NCOR2: variants seen among roughly 807,000 people sequenced by gnomAD.
The protein encoded by NCOR2 is nuclear receptor corepressor 2.
NCOR2 carries 81 observed loss-of-function variants against 262.9 expected under a neutral mutation model. The ratio of observed to expected loss-of-function variants is 0.31; its 90% confidence interval spans 0.26 to 0.37. The LOEUF is 0.37. Among genes scored for constraint, NCOR2 ranks in the 10% least tolerant of loss-of-function variants. The pLI is 1.00. For synonymous variants in NCOR2, 1,659 were observed against 1,559.3 expected, an observed-to-expected ratio of 1.06 and a Z score of -1.51; for missense variants, 3,385 against 3,621.4, an observed-to-expected ratio of 0.93 and a Z score of 1.68.
intron 5 of NCOR2, among the ~76,000 whole-genome samples, chr12:124,465,312 A>G (rs763357689): frequency 1.6e-4 from 25 of 152,096 alleles, no homozygotes; most frequent in Admixed American, 5.2e-4. Context: ...ACAGATCCTG[A>G]GTACATTTAG....
At chr12:124,356,583 A>G (rs1593189884) in intron 23 of NCOR2, 59 bp downstream of exon 25, 1 of 1,337,304 alleles carries the variant, frequency 7.5e-7, no homozygotes, top group East Asian at 2.9e-5. Flanking sequence ...CAGTGCAAAC[A>G]GTGCAAACAG....
At chr12:124,379,275 C>T (rs867902116) in intron 17 of NCOR2, among the ~76,000 whole-genome samples, 2 of 152,148 alleles carry the variant, frequency 1.3e-5, no homozygotes, top group South Asian at 4.1e-4. Flanking sequence ...TCCTGGGAAC[C>T]CCAGCTCCTC....
Position 124,493,818 on chromosome 12 carries a change from T to C in NCOR2, c.105+1329A>G, listed in dbSNP as rs541125071. On this transcript the variant is annotated intron_variant, in intron 1 of 46. Coordinates refer to ENST00000405201, the Ensembl canonical transcript of NCOR2. ...CTCAATAAATAGAGGCACGGGGGAG[T>C]GGGGGGACACAGAAGCTTGGAGCCC... Among the ~76,000 whole-genome samples, 170 of 151,468 alleles carry C rather than the reference T, an allele frequency of 1.1e-3. 2 individuals are homozygous for C. The highest frequency in any genetic ancestry group is 4.0e-3 in the African/African-American group (163 of 41,168).
At chr12:124,467,714 A>C in intron 4 of NCOR2, among the ~76,000 whole-genome samples, 1 of 115,692 alleles carries the variant, frequency 8.6e-6, no homozygotes, top group Non-Finnish European at 1.8e-5. Flanking sequence ...CACCCTCATC[A>C]TCCTCATCAC....
intron 17 of NCOR2, among the ~76,000 whole-genome samples, chr12:124,384,226 T>C (rs2040626052): frequency 6.6e-6 from 1 of 152,224 alleles, no homozygotes; most frequent in Non-Finnish European, 1.5e-5. Context: ...GGCCCCCTTC[T>C]GCGCCCCCAG....
intron 27 of NCOR2, among the ~76,000 whole-genome samples, chr12:124,353,574 C>T (rs1484784174): frequency 6.6e-6 from 1 of 152,236 alleles, no homozygotes; most frequent in Non-Finnish European, 1.5e-5. Context: ...ACACGTGGCA[C>T]AAAACCTTGG....
intron 11 of NCOR2, among the ~76,000 whole-genome samples, chr12:124,425,514 A>G (rs2043483521): frequency 6.6e-6 from 1 of 151,974 alleles, no homozygotes; most frequent in African/African-American, 2.4e-5. Context: ...GGCCTGGGGA[A>G]GCCAAAAGAT....
intron 11 of NCOR2, 44 bp downstream of exon 13, chr12:124,426,578 G>C: frequency 6.6e-7 from 1 of 1,525,802 alleles, no homozygotes; most frequent in Non-Finnish European, 8.9e-7. Context: ...CAACAGGATG[G>C]GGGTGGGGGG....
upstream of NCOR2, among the ~76,000 whole-genome samples, chr12:124,499,581 G>A (rs372197931): frequency 2.0e-5 from 3 of 152,220 alleles, no homozygotes; most frequent in South Asian, 2.1e-4. Context: ...GGGGGTGAGC[G>A]CAGGCTTGGG....
At chr12:124,436,036 C>T (rs771530631) in intron 8 of NCOR2, among the ~76,000 whole-genome samples, 11 of 152,100 alleles carry the variant, frequency 7.2e-5, no homozygotes, top group Non-Finnish European at 1.2e-4. Context: ...GCATCCTCCT[C>T]GTCCTTACGC....
At chr12:124,471,925 G>A (rs1376873110) in intron 4 of NCOR2, among the ~76,000 whole-genome samples, 3 of 152,168 alleles carry the variant, frequency 2.0e-5, no homozygotes, top group Admixed American at 2.0e-4. Context: ...GGCCACACAG[G>A]TCTCTGTTGT....
rs985467222 is a variant in NCOR2 at position 124,517,494 on chromosome 12, C to T, written c.-118+18071G>A. On this transcript the variant is annotated intron_variant, in intron 1 of 46. Transcript: ENST00000404621. The surrounding 1 kb of genome is among the most constrained non-coding windows in gnomAD (Gnocchi z 7.6). ...CTGATTTCAAACCAGACATGGGCAC[C>T]GAGCCAAGCGCCACCTCGGTGGGGA... is the stretch of plus-strand genomic sequence containing the variant. Among the ~76,000 whole-genome samples the T allele has an allele frequency of 5.9e-5, 9 of 152,220 alleles. No individual in the cohort carries two copies. The highest frequency in any genetic ancestry group is 8.8e-5 in the Non-Finnish European group (6 of 68,032).
chr12:124,427,766 C>T (rs561645653), intron 10 of NCOR2, among the ~76,000 whole-genome samples: 13 of 152,316 alleles, frequency 8.5e-5, no homozygotes, highest in African/African-American at 2.4e-4. Flanking sequence ...GCAGGACCCC[C>T]GGCACGGCCA....
intron 6 of NCOR2, among the ~76,000 whole-genome samples, chr12:124,452,345 C>A (rs2045599246): frequency 6.6e-6 from 1 of 152,208 alleles, no homozygotes; most frequent in African/African-American, 2.4e-5. Flanking sequence ...CAAATGCAGG[C>A]CAGGTGCAAG....
intron 28 of NCOR2, among the ~76,000 whole-genome samples, chr12:124,349,651 C>T (rs780815225): frequency 3.3e-5 from 5 of 152,098 alleles, no homozygotes; most frequent in Non-Finnish European, 7.3e-5. Flanking sequence ...AGGGAGCAGA[C>T]GAGAGTTTAA....
intron 1 of NCOR2, among the ~76,000 whole-genome samples, chr12:124,546,774 G>A (rs1011412170): frequency 9.2e-5 from 14 of 151,944 alleles, no homozygotes; most frequent in Non-Finnish European, 7.4e-5. Flanking sequence ...GCACCGTCGC[G>A]TCCTGTCCAG....
chr12:124,360,174 G>C (rs1176156488), intron 22 of NCOR2, among the ~76,000 whole-genome samples: 1 of 152,222 alleles, frequency 6.6e-6, no homozygotes, highest in African/African-American at 2.4e-5. Flanking sequence ...CCCTGACATG[G>C]ATACACAGCT....
At chr12:124,426,342 T>C (rs1432451262) in intron 11 of NCOR2, among the ~76,000 whole-genome samples, 1 of 152,026 alleles carries the variant, frequency 6.6e-6, no homozygotes, top group East Asian at 1.9e-4. Context: ...AGGCAGAGCA[T>C]GGAAGGATGC....
chr12:124,391,766 G>T (rs1043176341), intron 16 of NCOR2, among the ~76,000 whole-genome samples: 5 of 152,196 alleles, frequency 3.3e-5, no homozygotes, highest in Admixed American at 3.3e-4. Flanking sequence ...AAAAAGCTAC[G>T]TCTTCTCCCA....
Sources: allele counts gnomAD v4.1 joint callset (sites outside exome capture counted in the v4.1 genomes callset), GRCh38; gene constraint gnomAD v4.1.1; non-coding constraint Gnocchi (gnomAD v3.1); transcripts MANE v1.5; gene names NCBI Gene and HGNC (gene_info 2026-07-23, HGNC 2026-07-21).